The following WWOX variants were observed in gnomAD, a reference collection of about 807,000 sequenced individuals.
The protein encoded by WWOX is WW domain containing oxidoreductase.
In WWOX, 69 loss-of-function variants were observed where a neutral mutation model predicts 46.2. The ratio of observed to expected loss-of-function variants is 1.49; its 90% CI spans 1.23 to 1.82. WWOX has a LOEUF of 1.82. Among genes scored for constraint, WWOX ranks in the 40% most tolerant of loss-of-function variants. The pLI, the probability that WWOX is intolerant of heterozygous loss-of-function variation, is 0.00. For synonymous variants in WWOX, 359 were observed against 202.6 expected, an observed-to-expected ratio of 1.77 and a Z score of -6.56; for missense variants, 919 against 542.6, an observed-to-expected ratio of 1.69 and a Z score of -6.89.
chr16:78,425,148 G>C (rs2083046907), intron 7 of WWOX, 93 bp downstream of exon 7: 4 of 1,545,402 alleles, frequency 2.6e-6, no homozygotes, highest in Non-Finnish European at 3.6e-6. Context: ...ATTTTCATTA[G>C]TCCTGCTTGA....
chr16:78,132,134 C>T (rs1292046210), intron 4 of WWOX, among the ~76,000 whole-genome samples: 1 of 151,340 alleles, frequency 6.6e-6, no homozygotes, highest in Middle Eastern at 3.4e-3. Flanking sequence ...ACGCCATTCT[C>T]CTGCCTCAGC....
chr16:78,457,587 C>A (rs905454928), intron 8 of WWOX, among the ~76,000 whole-genome samples: 1 of 151,858 alleles, frequency 6.6e-6, no homozygotes, highest in African/African-American at 2.4e-5. Flanking sequence ...GCATTTACAA[C>A]ATTTGTGGGG....
At chr16:78,999,202 G>A (rs12596848) in intron 8 of WWOX, among the ~76,000 whole-genome samples, 40,137 of 151,450 alleles carry the variant, frequency 0.27, 5,676 homozygotes, top group East Asian at 0.54. Flanking sequence ...CAGGGGCAGC[G>A]GGTCATACCT....
intron 8 of WWOX, among the ~76,000 whole-genome samples, chr16:78,716,412 C>T (rs879566311): frequency 1.3e-5 from 2 of 152,086 alleles, no homozygotes; most frequent in Non-Finnish European, 2.9e-5. Context: ...TGTGCAGTAG[C>T]TTTCTGCAGC....
chr16:79,077,033 C>G (rs1008078449), intron 8 of WWOX, among the ~76,000 whole-genome samples: 1 of 152,014 alleles, frequency 6.6e-6, no homozygotes, highest in Non-Finnish European at 1.5e-5. Flanking sequence ...AAACAGTAGC[C>G]GATCATCAAT....
rs149415652 is a variant in WWOX, at chr16:78,685,294, G to T, written c.1056+252542G>T. Among the ~76,000 whole-genome samples the T allele has an allele frequency of 3.4e-3, 524 of 152,246 alleles. 3 individuals are homozygous for T. Among genetic ancestry groups the T allele is most frequent in the African/African-American group, 0.012 (504 of 41,548 alleles). ...AATGACTCAAGTGATGAGGCCTGGGGACGTCCCTTGGGAAGCTATTCTGCA... is the reference window on the plus strand; with the variant it reads ...AATGACTCAAGTGATGAGGCCTGGGTACGTCCCTTGGGAAGCTATTCTGCA... On this transcript the variant is annotated intron_variant, in intron 8 of 8. Transcript: ENST00000566780.
chr16:78,993,961 G>T (rs1180421594), intron 8 of WWOX, among the ~76,000 whole-genome samples: 1 of 152,126 alleles, frequency 6.6e-6, no homozygotes, highest in Non-Finnish European at 1.5e-5. Flanking sequence ...TTGTTCCCTG[G>T]GCAAGCCAAC....
intron 8 of WWOX, among the ~76,000 whole-genome samples, chr16:78,764,407 T>G (rs1048046151): frequency 2.7e-5 from 4 of 150,764 alleles, no homozygotes; most frequent in African/African-American, 9.8e-5. Context: ...CATTCTGTCC[T>G]CTTGTTGGAA....
At chr16:78,970,748 C>T (rs560548232) in intron 8 of WWOX, among the ~76,000 whole-genome samples, 6 of 152,252 alleles carry the variant, frequency 3.9e-5, no homozygotes, top group Non-Finnish European at 7.4e-5. Context: ...ACCTCCCCTC[C>T]TTCTTCCTTA....
At position 78,839,075 on chromosome 16, in the gene WWOX, A is replaced by G. The variant is rs541970381; in HGVS notation, c.1057-372533A>G. Among the ~76,000 whole-genome samples the G allele has an allele frequency of 1.2e-4, 19 of 152,310 alleles. No individual in the cohort carries two copies. The East Asian group carries it at 3.7e-3, about 29-fold the overall frequency. On this transcript the variant is annotated intron_variant, in intron 8 of 8. Transcript: ENST00000566780. Reference sequence around the variant, plus strand: ...ATGGGGGAAACTGGATCAAGGGTGCATGAGATTGCTGTATTATTTCTTGAC... The same window carrying G: ...ATGGGGGAAACTGGATCAAGGGTGCGTGAGATTGCTGTATTATTTCTTGAC...
intron 8 of WWOX, chr16:78,996,317 C>G (rs1567469768): frequency 4.1e-6 from 4 of 983,058 alleles, no homozygotes; most frequent in African/African-American, 1.8e-5. Context: ...GGATGTTTTT[C>G]TACCGTGACA....
At chr16:78,378,231 C>T (rs2081875573) in intron 5 of WWOX, among the ~76,000 whole-genome samples, 1 of 151,946 alleles carries the variant, frequency 6.6e-6, no homozygotes, top group Non-Finnish European at 1.5e-5. Context: ...TTATTAAAAG[C>T]AAAGTGATAA....
At chr16:78,976,480 C>T (rs1414929915) in intron 8 of WWOX, among the ~76,000 whole-genome samples, 1 of 152,164 alleles carries the variant, frequency 6.6e-6, no homozygotes, top group Non-Finnish European at 1.5e-5. Flanking sequence ...GGGAGGCTGA[C>T]TGAGCAAGTA....
intron 4 of WWOX, among the ~76,000 whole-genome samples, chr16:78,141,895 G>C (rs1326304314): frequency 6.6e-6 from 1 of 151,902 alleles, no homozygotes; most frequent in Non-Finnish European, 1.5e-5. Context: ...GCCTGTCATA[G>C]TTGAATCTAA....
chr16:78,925,163 C>G (rs138075652), intron 8 of WWOX, among the ~76,000 whole-genome samples: 265 of 152,282 alleles, frequency 1.7e-3, no homozygotes, highest in African/African-American at 5.9e-3. Context: ...CCACTGCACT[C>G]CAGACTGCAT....
intron 8 of WWOX, among the ~76,000 whole-genome samples, chr16:78,974,638 A>G (rs1247440894): frequency 1.3e-5 from 2 of 152,126 alleles, no homozygotes; most frequent in African/African-American, 4.8e-5. Flanking sequence ...AGCAAATGTC[A>G]CCCGATGCAA....
chr16:78,104,249 C>CACACACACACACAT (rs1406267319), intron 1 of WWOX, among the ~76,000 whole-genome samples: 10 of 151,176 alleles, frequency 6.6e-5, no homozygotes, highest in Non-Finnish European at 1.3e-4. Flanking sequence ...CACACACACA[C>CACACACACACACAT]ACACACACAC....
chr16:78,955,888 C>A lies in WWOX; in HGVS notation c.1057-255720C>A, dbSNP rs150166370. ...CTAATTCCTGGCCTCAAGCGATCTC[C>A]CATCCCCCCTCAGCCTCCCAAAGTG... is the stretch of plus-strand genomic sequence containing the variant. On this transcript the variant is annotated intron_variant, in intron 8 of 8. Coordinates refer to ENST00000566780, the MANE Select transcript of WWOX (RefSeq NM_016373.4). 6.3e-3 allele frequency among the ~76,000 whole-genome samples: 950 copies of A among 151,994 alleles called. 8 individuals are homozygous for A. Among genetic ancestry groups the A allele is most frequent in the African/African-American group, 0.022 (917 of 41,480 alleles).
chr16:78,511,141 C>T lies in WWOX; in HGVS notation c.1056+78389C>T, dbSNP rs74875303. Among the ~76,000 whole-genome samples, 229 of 152,300 alleles carry T rather than the reference C, an allele frequency of 1.5e-3. 2 individuals carry two copies. Among genetic ancestry groups the T allele is most frequent in the African/African-American group, 5.3e-3 (219 of 41,568 alleles). On this transcript the variant is annotated intron_variant, in intron 8 of 8. Transcript: ENST00000566780. Reference sequence around the variant, plus strand: ...CAGGTCCTCCCCTTTCTGATATTTACAGCCCTTGCAACCGCCTGTACAAAA... The same window carrying T: ...CAGGTCCTCCCCTTTCTGATATTTATAGCCCTTGCAACCGCCTGTACAAAA...
Sources: gnomAD v4.1 joint callset for allele counts (sites outside exome capture counted in the v4.1 genomes callset) on GRCh38, gnomAD v4.1.1 for gene constraint, MANE v1.5 for transcripts, NCBI Gene and HGNC (gene_info 2026-07-23, HGNC 2026-07-21) for gene names.